Variants in ANKS6 observed in about 807,000 individuals in gnomAD.
ANKS6 encodes the protein ankyrin repeat and SAM domain-containing protein 6.
Under a neutral mutation model 77.9 loss-of-function variants are expected in ANKS6, and 47 were observed. The ratio of observed to expected loss-of-function variants is 0.60; its 90% confidence interval spans 0.48 to 0.77. The LOEUF (loss-of-function observed/expected upper bound fraction) is 0.77, where lower values mean the gene tolerates loss of function less well. Among genes scored for constraint, ANKS6 ranks in the 30% least tolerant of loss-of-function variants. The pLI is 0.00. For synonymous variants in ANKS6, 488 were observed against 501.7 expected, an observed-to-expected ratio of 0.97 and a Z score of 0.37; for missense variants, 1,150 against 1,159.1, an observed-to-expected ratio of 0.99 and a Z score of 0.11.
chr9:98,755,263 C>T (rs963639870), intron 12 of ANKS6, among the ~76,000 whole-genome samples: 2 of 152,184 alleles, frequency 1.3e-5, no homozygotes, highest in East Asian at 1.9e-4. Flanking sequence ...TGCCCGCAAA[C>T]GCATTTGTGA....
intron 13 of ANKS6, chr9:98,745,912 T>C (rs1483197221): frequency 2.1e-6 from 1 of 476,274 alleles, no homozygotes; most frequent in Admixed American, 3.4e-5. Flanking sequence ...AGGAAGACCC[T>C]TAAAATGAGC....
chr9:98,762,744 T>C (rs945005918), intron 11 of ANKS6, among the ~76,000 whole-genome samples: 2 of 152,172 alleles, frequency 1.3e-5, no homozygotes, highest in African/African-American at 4.8e-5. Context: ...GGTCAGAAGG[T>C]ATTATACTTT....
Position 98,735,796 on chromosome 9 carries a change from T to C in ANKS6, c.*723A>G. On this transcript the variant is annotated 3_prime_UTR_variant, in exon 15 of 15. Transcript: ENST00000353234. ...TCTCTTTGCAATAAAGAAAAATGCG[T>C]TTGACATACACATCTCCAATGTAAG... The C allele has an allele frequency of 3.2e-6, 4 of 1,231,730 alleles. No individual in the cohort carries two copies. The highest frequency in any genetic ancestry group is 4.0e-6 in the Non-Finnish European group (4 of 987,966). The allele number at this position is 1,231,730 out of a possible 1,614,324, so 76.3% of individuals were successfully genotyped here.
chr9:98,771,623 T>TTGG (rs1833633842), intron 9 of ANKS6, among the ~76,000 whole-genome samples: 1 of 152,186 alleles, frequency 6.6e-6, no homozygotes, highest in Admixed American at 6.5e-5. Context: ...ACCAACCTCC[T>TTGG]TTGGGTTTCC....
intron 12 of ANKS6, among the ~76,000 whole-genome samples, chr9:98,755,172 T>TA (rs1832626813): frequency 6.6e-6 from 1 of 152,210 alleles, no homozygotes; most frequent in Non-Finnish European, 1.5e-5. Flanking sequence ...TAGTACAGAC[T>TA]AGAGCCTGTG....
chr9:98,760,387 C>T (rs921990365), intron 11 of ANKS6, among the ~76,000 whole-genome samples: 1 of 149,916 alleles, frequency 6.7e-6, no homozygotes, highest in Non-Finnish European at 1.5e-5. Context: ...AAAGGCTCAA[C>T]CCTCTAATCC....
rs780683362 is a variant in ANKS6, at chr9:98,774,095, C to CT, written c.1618-16dup. 1 of 1,449,532 alleles carries CT rather than the reference C, an allele frequency of 6.9e-7. No homozygotes were observed. Among genetic ancestry groups the CT allele is most frequent in the South Asian group, 1.5e-5 (1 of 66,442 alleles). The allele number at this position is 1,449,532 out of a possible 1,614,324, so 89.8% of individuals were successfully genotyped here. On this transcript the variant is annotated splice_polypyrimidine_tract_variant and intron_variant, in intron 8 of 14. Coordinates refer to ENST00000353234, the MANE Select transcript of ANKS6 (RefSeq NM_173551.5). The stretch of plus-strand genomic sequence containing the variant: ...CCGTTTCGAAGCTGAAAAAGACAGG[C>CT]TGAGGGTTAGACAAGCCCCCAGGAG...
intron 12 of ANKS6, among the ~76,000 whole-genome samples, chr9:98,752,194 G>T (rs771968847): frequency 6.6e-6 from 1 of 152,190 alleles, no homozygotes; most frequent in Non-Finnish European, 1.5e-5. Context: ...TTTTACAAAC[G>T]CTGTTTTACA....
chr9:98,755,706 C>T (rs1338437481), intron 12 of ANKS6, among the ~76,000 whole-genome samples: 1 of 152,212 alleles, frequency 6.6e-6, no homozygotes, highest in Non-Finnish European at 1.5e-5. Context: ...TGGACCCCAA[C>T]TCCGCTCCAA....
At chr9:98,764,912 TG>T in intron 11 of ANKS6, among the ~76,000 whole-genome samples, 1 of 152,358 alleles carries the variant, frequency 6.6e-6, no homozygotes, top group South Asian at 2.1e-4. Flanking sequence ...CTTGACTTTT[TG>T]TATGTCTTGT....
At chr9:98,739,757 C>CGTTTTTTTTTTTT (rs1338507769) in intron 14 of ANKS6, among the ~76,000 whole-genome samples, 1 of 51,068 alleles carries the variant, frequency 2.0e-5, no homozygotes, top group Non-Finnish European at 3.6e-5. Flanking sequence ...GTGGATTAAA[C>CGTTTTTTTTTTTT]ATTTTTTTTT....
chr9:98,781,868 A>AT (rs1243437833), intron 5 of ANKS6, among the ~76,000 whole-genome samples: 2 of 152,148 alleles, frequency 1.3e-5, no homozygotes, highest in African/African-American at 4.8e-5. Context: ...CTCCAGGTTG[A>AT]TAAGAAAGAC....
Position 98,736,113 on chromosome 9 carries a change from T to A in ANKS6, c.*406A>T, listed in dbSNP as rs544269507. 2.8e-5 allele frequency: 32 copies of A among 1,145,288 alleles called. No homozygotes were observed. In the East Asian group the frequency reaches 1.3e-3, roughly 47 times the overall value. The allele number at this position is 1,145,288 out of a possible 1,614,324, so 70.9% of individuals were successfully genotyped here. On this transcript the variant is annotated 3_prime_UTR_variant, in exon 15 of 15. Coordinates refer to ENST00000353234, the MANE Select transcript of ANKS6 (RefSeq NM_173551.5). ...ATGACTACCAGTGGCCAAGAGGACGTGAGCAGGAGTGATGTGTGTCAGTTA... is the reference window on the plus strand; with the variant it reads ...ATGACTACCAGTGGCCAAGAGGACGAGAGCAGGAGTGATGTGTGTCAGTTA...
intron 12 of ANKS6, among the ~76,000 whole-genome samples, chr9:98,753,477 T>C (rs1832535637): frequency 6.6e-6 from 1 of 152,200 alleles, no homozygotes; most frequent in Non-Finnish European, 1.5e-5. Flanking sequence ...CATTTTCCCA[T>C]CACTGCCTAG....
intron 2 of ANKS6, 129 bp from the exon 3 acceptor site, chr9:98,785,005 T>G: frequency 1.3e-6 from 1 of 763,034 alleles, no homozygotes. Context: ...ATTGGAGACC[T>G]ACGTAATGGA....
chr9:98,789,502 C>T (rs1363280618), intron 2 of ANKS6, among the ~76,000 whole-genome samples: 3 of 148,376 alleles, frequency 2.0e-5, no homozygotes, highest in Non-Finnish European at 4.5e-5. Flanking sequence ...TTTACATGAA[C>T]TAGTGTTTGA....
chr9:98,770,888 C>G lies in ANKS6; in HGVS notation c.1972+8G>C, dbSNP rs773193262. On this transcript the variant is annotated splice_region_variant and intron_variant, in intron 10 of 14. Transcript: ENST00000353234. The stretch of plus-strand genomic sequence containing the variant: ...CACCTCCCTGAGTGGCCCTGCCCAG[C>G]TACTCACCTGAGCGGTTAAGCAGCT... 1 of 1,458,228 alleles carries G rather than the reference C, an allele frequency of 6.9e-7. No individual in the cohort carries two copies. The highest frequency in any genetic ancestry group is 9.1e-7 in the Non-Finnish European group (1 of 1,096,320). 90.3% of individuals were successfully genotyped at this position (1,458,228 alleles called of 1,614,324 possible).
Position 98,784,064 on chromosome 9 carries a change from G to C in ANKS6, c.1001C>G (p.Ala334Gly). The C allele has an allele frequency of 1.2e-6, 2 of 1,610,926 alleles. No homozygotes were observed. The highest frequency in any genetic ancestry group is 1.7e-6 in the Non-Finnish European group (2 of 1,178,650). The change falls in exon 4 of 15, where the codon GCT (alanine) becomes GGT (glycine). Residue 334 changes from alanine (A) to glycine (G), a missense_variant. Coordinates refer to ENST00000353234, the MANE Select transcript of ANKS6 (RefSeq NM_173551.5). ...GDGATPLMLAAVTGQLALVQL... is the reference protein window; with the variant it reads ...GDGATPLMLAGVTGQLALVQL... ...CACCAGAGCCAGCTGCCCCGTAACA[G>C]CTGCTAGCATCAGTGGCGTCGCCCC...
At chr9:98,767,273 T>C (rs1833353430) in intron 11 of ANKS6, among the ~76,000 whole-genome samples, 1 of 152,138 alleles carries the variant, frequency 6.6e-6, no homozygotes, top group Admixed American at 6.5e-5. Context: ...GCTCCTCCCT[T>C]AGGCCACGCT....
Sources: gnomAD v4.1 joint callset for allele counts (sites outside exome capture counted in the v4.1 genomes callset) on GRCh38, gnomAD v4.1.1 for gene constraint, MANE v1.5 for transcripts, NCBI Gene and HGNC (gene_info 2026-07-23, HGNC 2026-07-21) for gene names.